The following CEP85L variants were observed in gnomAD, a reference collection of about 807,000 sequenced individuals.
CEP85L encodes the protein centrosomal protein 85L.
A neutral mutation model predicts 100.3 loss-of-function variants in CEP85L; 60 were observed. That is an observed-to-expected ratio of 0.60 (90% CI 0.49 to 0.74). CEP85L has a LOEUF of 0.74. Ranked by LOEUF, CEP85L falls within the 30% of genes least tolerant of loss-of-function variation. The pLI is 0.00. For missense variants in CEP85L, 973 were observed against 936.2 expected (o/e 1.04, Z -0.51); for synonymous variants, 319 against 322.7 (o/e 0.99, Z 0.12).
At chr6:118,612,831 A>G (rs1389293780) in intron 2 of CEP85L, among the ~76,000 whole-genome samples, 2 of 152,162 alleles carry the variant, frequency 1.3e-5, no homozygotes, top group African/African-American at 2.4e-5. Flanking sequence ...TGAGAAAATT[A>G]ATGTGATCAG....
chr6:118,566,383 A>G, intron 2 of CEP85L, 67 bp from the exon 3 acceptor site: 1 of 1,276,512 alleles, frequency 7.8e-7, no homozygotes, highest in Non-Finnish European at 1.1e-6. Context: ...GTAAAATGCA[A>G]TATGCCAAAA....
intron 3 of CEP85L, among the ~76,000 whole-genome samples, chr6:118,556,178 G>A (rs1014942712): frequency 6.6e-6 from 1 of 152,192 alleles, no homozygotes; most frequent in African/African-American, 2.4e-5. Context: ...TAATGGGATT[G>A]TTGGGTCGAA....
At chr6:118,584,224 TAA>T (rs1171658164) in intron 2 of CEP85L, among the ~76,000 whole-genome samples, 1 of 152,140 alleles carries the variant, frequency 6.6e-6, no homozygotes, top group Non-Finnish European at 1.5e-5. Context: ...ACAGAGAATA[TAA>T]AGTTTCAAAA....
chr6:118,562,813 A>G (rs1203313229), intron 3 of CEP85L, among the ~76,000 whole-genome samples: 1 of 152,230 alleles, frequency 6.6e-6, no homozygotes, highest in Non-Finnish European at 1.5e-5. Context: ...TAGGGAAAAA[A>G]GGATAAACAA....
At chr6:118,641,184 G>A (rs1016510706) in intron 1 of CEP85L, among the ~76,000 whole-genome samples, 2 of 152,154 alleles carry the variant, frequency 1.3e-5, no homozygotes, top group Admixed American at 6.5e-5. Flanking sequence ...CATCTACACT[G>A]TCACCAGCTT....
At chr6:118,543,826 T>C (rs1348206549) in intron 3 of CEP85L, among the ~76,000 whole-genome samples, 1 of 152,196 alleles carries the variant, frequency 6.6e-6, no homozygotes, top group Non-Finnish European at 1.5e-5. Context: ...TCTCAGCATG[T>C]GAATGACAAT....
intron 5 of CEP85L, among the ~76,000 whole-genome samples, chr6:118,507,288 G>A (rs1371977951): frequency 6.6e-6 from 1 of 152,114 alleles, no homozygotes; most frequent in Admixed American, 6.5e-5. Context: ...ATTTTACCAT[G>A]GCTTGGTCAT....
At chr6:118,662,153 G>T (rs1387305187) in intron 1 of CEP85L, among the ~76,000 whole-genome samples, 1 of 152,188 alleles carries the variant, frequency 6.6e-6, no homozygotes, top group African/African-American at 2.4e-5. Flanking sequence ...ATGATAAAAG[G>T]TATTATTGCA....
chr6:118,687,995 G>A (rs148425396), intron 1 of CEP85L, among the ~76,000 whole-genome samples: 1,657 of 152,190 alleles, frequency 0.011, 31 homozygotes, highest in African/African-American at 0.036. Flanking sequence ...AACACTCACC[G>A]CATGGCCCAA....
chr6:118,617,465 A>G (rs1418451936), intron 2 of CEP85L, among the ~76,000 whole-genome samples: 1 of 152,240 alleles, frequency 6.6e-6, no homozygotes, highest in African/African-American at 2.4e-5. Flanking sequence ...CTGCAAGGCC[A>G]TAAATCAGGT....
intron 1 of CEP85L, among the ~76,000 whole-genome samples, chr6:118,675,879 T>C (rs1036503829): frequency 3.3e-5 from 5 of 152,032 alleles, no homozygotes; most frequent in Non-Finnish European, 7.4e-5. Flanking sequence ...AGAGAAAAGA[T>C]GATGTATTAA....
At chr6:118,589,054 G>T in intron 2 of CEP85L, 1 of 283,332 alleles carries the variant, frequency 3.5e-6, no homozygotes. Flanking sequence ...TCCGAGGTCA[G>T]ACTGCTCCCA....
chr6:118,651,309 C>T lies in CEP85L; in HGVS notation c.-40G>A. On this transcript the variant is annotated 5_prime_UTR_variant, in exon 1 of 13. Coordinates refer to ENST00000368491, the MANE Select transcript of CEP85L (RefSeq NM_001042475.3). ...CCGGGTGGGCCAGGGACGCCCGACTCCTCACGTCCGTCCTCCTGCTTCTTC... is the reference window on the plus strand; with the variant it reads ...CCGGGTGGGCCAGGGACGCCCGACTTCTCACGTCCGTCCTCCTGCTTCTTC... 2 of 1,439,640 alleles carry T rather than the reference C, an allele frequency of 1.4e-6. No individual in the cohort carries two copies. Among genetic ancestry groups the T allele is most frequent in the Non-Finnish European group, 1.8e-6 (2 of 1,098,178 alleles). The allele number at this position is 1,439,640 out of a possible 1,614,324, so 89.2% of individuals were successfully genotyped here.
At chr6:118,683,402 TA>T (rs775694504) in intron 1 of CEP85L, among the ~76,000 whole-genome samples, 70 of 152,340 alleles carry the variant, frequency 4.6e-4, no homozygotes, top group African/African-American at 1.7e-3. Flanking sequence ...CATTTTTATA[TA>T]AAAACTTATT....
rs921538138 is a variant in CEP85L, at chr6:118,537,908, A to G, written c.1021-13988T>C. 13 of 984,644 alleles carry G rather than the reference A, an allele frequency of 1.3e-5. No individual in the cohort carries two copies. In the African/African-American group the frequency reaches 2.3e-4, roughly 17 times the overall value. 61.0% of individuals were successfully genotyped at this position (984,644 alleles called of 1,614,324 possible). ...TTCCTGGAATAGTCTATCTGAAGAG[A>G]TACTCTACAAGTGTTTTCTGGTAAG... On this transcript the variant is annotated intron_variant, in intron 3 of 12. Coordinates refer to ENST00000368491, the MANE Select transcript of CEP85L (RefSeq NM_001042475.3).
intron 2 of CEP85L, among the ~76,000 whole-genome samples, chr6:118,597,579 C>G (rs1053132119): frequency 9.9e-5 from 15 of 152,142 alleles, no homozygotes; most frequent in African/African-American, 3.6e-4. Context: ...TGATGAATTA[C>G]TCAGTGAGAA....
chr6:118,523,436 T>C (rs777788785), intron 4 of CEP85L, among the ~76,000 whole-genome samples: 7 of 152,254 alleles, frequency 4.6e-5, no homozygotes, highest in Non-Finnish European at 8.8e-5. Flanking sequence ...AAATGACTGC[T>C]TTAAATTAGC....
intron 1 of CEP85L, among the ~76,000 whole-genome samples, chr6:118,696,555 A>G (rs1314794188): frequency 3.9e-5 from 6 of 152,210 alleles, no homozygotes; most frequent in Non-Finnish European, 5.9e-5. Context: ...TCTGCATCCA[A>G]GTTGCTGTAG....
intron 10 of CEP85L, 143 bp from the exon 11 acceptor site, chr6:118,470,787 TA>T: frequency 2.2e-6 from 1 of 456,036 alleles, no homozygotes; most frequent in Non-Finnish European, 3.9e-6. Context: ...CCTTCACTTT[TA>T]AACTAATCCC....
Sources: allele counts gnomAD v4.1 joint callset (sites outside exome capture counted in the v4.1 genomes callset), GRCh38; gene constraint gnomAD v4.1.1; transcripts MANE v1.5; gene names NCBI Gene and HGNC (gene_info 2026-07-23, HGNC 2026-07-21).